Variants in ABCA12 observed in about 807,000 individuals in gnomAD.
ABCA12 encodes ATP binding cassette subfamily A member 12.
Under a neutral mutation model 293.5 loss-of-function variants are expected in ABCA12, and 156 were observed. That is an observed-to-expected ratio of 0.53 (90% CI 0.47 to 0.61). ABCA12 has a LOEUF of 0.61. ABCA12 is among the 20% of genes least tolerant of loss of function. The pLI is 0.00. For missense variants in ABCA12, 2,797 were observed against 3,090.2 expected, an observed-to-expected ratio of 0.91 and a Z score of 2.25; for synonymous variants, 1,063 against 1,108.0, an observed-to-expected ratio of 0.96 and a Z score of 0.81.
At chr2:215,050,523 T>C (rs570036279) in intron 5 of ABCA12, among the ~76,000 whole-genome samples, 1 of 152,234 alleles carries the variant, frequency 6.6e-6, no homozygotes, top group African/African-American at 2.4e-5. Context: ...TTACCATTAT[T>C]AAGTTGTTTA....
chr2:215,010,298 G>A (rs771285943), intron 18 of ABCA12, 33 bp downstream of exon 18: 270 of 1,612,382 alleles, frequency 1.7e-4, no homozygotes, highest in Non-Finnish European at 2.2e-4. Flanking sequence ...CATCTTAATA[G>A]TCAAAATAGA....
At chr2:215,048,147 A>G (rs1701240082) in intron 6 of ABCA12, among the ~76,000 whole-genome samples, 1 of 152,140 alleles carries the variant, frequency 6.6e-6, no homozygotes, top group Admixed American at 6.5e-5. Flanking sequence ...CAGAATGGCT[A>G]TTAAAAAGTC....
chr2:214,959,756 G>A (rs1699061884), intron 39 of ABCA12, among the ~76,000 whole-genome samples: 1 of 152,070 alleles, frequency 6.6e-6, no homozygotes, highest in Non-Finnish European at 1.5e-5. Flanking sequence ...CAAATTGCTG[G>A]GATCTCCCAG....
chr2:215,102,949 G>A (rs1254166016), intron 2 of ABCA12, among the ~76,000 whole-genome samples: 1 of 152,092 alleles, frequency 6.6e-6, no homozygotes, highest in Non-Finnish European at 1.5e-5. Context: ...TTTTGATTTT[G>A]TAAAATTCTC....
intron 14 of ABCA12, among the ~76,000 whole-genome samples, chr2:215,016,605 A>G (rs867042396): frequency 3.1e-4 from 43 of 139,246 alleles, no homozygotes; most frequent in East Asian, 4.3e-4. Flanking sequence ...AAAAAAAAAA[A>G]AAAAAAAAAG....
intron 50 of ABCA12, among the ~76,000 whole-genome samples, chr2:214,940,741 C>A (rs770914583): frequency 2.2e-4 from 34 of 151,872 alleles, no homozygotes; most frequent in Admixed American, 2.6e-4. Context: ...TCTAGAATTT[C>A]TAGTTTATTT....
intron 2 of ABCA12, among the ~76,000 whole-genome samples, chr2:215,089,550 G>T (rs544242238): frequency 1.3e-5 from 2 of 152,248 alleles, no homozygotes; most frequent in African/African-American, 4.8e-5. Context: ...TCAAATGTTG[G>T]TTCTATGAAG....
intron 37 of ABCA12, among the ~76,000 whole-genome samples, chr2:214,969,027 C>T (rs1381075729): frequency 6.6e-6 from 1 of 151,972 alleles, no homozygotes; most frequent in East Asian, 1.9e-4. Flanking sequence ...AAGTCCTAAA[C>T]AATTGCATAT....
At chr2:215,001,389 T>C (rs1246024498) in intron 21 of ABCA12, among the ~76,000 whole-genome samples, 169 bp downstream of exon 21, 1 of 152,194 alleles carries the variant, frequency 6.6e-6, no homozygotes, top group African/African-American at 2.4e-5. Context: ...TTAGACATAC[T>C]TAGAGATTAT....
Position 214,975,974 on chromosome 2 carries a change from G to A in ABCA12, c.5192C>T (p.Ala1731Val). ...GTGGTGGAACCTCTTGATGAGTATA[G>A]CCATGATCTTCTTCAGCAACAGTCC... ...GFGLLLKKIMAILIKRFHHTR... is the reference protein window; with the variant it reads ...GFGLLLKKIMVILIKRFHHTR... Residue 1731 changes from alanine (A) to valine (V), a missense_variant, in exon 34 of 53, where the codon GCT becomes GTT. Physicochemically the swap from Ala to Val is moderately conservative, Grantham distance 64. This residue lies in a region of ABCA12 where 2,130 missense variants were observed against 2,427.0 expected (regional missense o/e 0.88). Coordinates refer to ENST00000272895, the MANE Select transcript of ABCA12 (RefSeq NM_173076.3). The A allele has an allele frequency of 6.2e-7, 1 of 1,614,058 alleles. No homozygotes were observed. The highest frequency in any genetic ancestry group is 8.5e-7 in the Non-Finnish European group (1 of 1,179,994).
intron 28 of ABCA12, among the ~76,000 whole-genome samples, chr2:214,984,094 C>CTTTTTTTTTTT (rs397987755): frequency 1.3e-4 from 12 of 92,952 alleles, no homozygotes; most frequent in East Asian, 3.8e-4. Flanking sequence ...ACGATCAGGC[C>CTTTTTTTTTTT]TTTTTTTTTT....
chr2:215,021,292 G>A (rs537864704), intron 11 of ABCA12, among the ~76,000 whole-genome samples: 101 of 152,288 alleles, frequency 6.6e-4, no homozygotes, highest in African/African-American at 2.3e-3. Flanking sequence ...CGTTATTGAC[G>A]TTATTTTCTC....
At chr2:214,982,920 G>A (rs892047473) in intron 29 of ABCA12, among the ~76,000 whole-genome samples, 1 of 152,118 alleles carries the variant, frequency 6.6e-6, no homozygotes, top group Non-Finnish European at 1.5e-5. Flanking sequence ...GCTATTATAG[G>A]CATCAATTTT....
chr2:215,025,753 T>G lies in ABCA12; in HGVS notation c.1207A>C (p.Ile403Leu), dbSNP rs1358632830. The stretch of plus-strand genomic sequence containing the variant: ...CGAAGAAAAGATTTTTTAAATCGTA[T>G]TGTGGACTGCAGGAGTCTTAGATTT... ...PENLRLLQST[I>L]RFKKSFLRNG... Residue 403 changes from isoleucine (I) to leucine (L), a missense_variant, in exon 11 of 53, where the codon ATA (isoleucine) becomes CTA (leucine). Transcript: ENST00000272895. The G allele has an allele frequency of 6.2e-7, 1 of 1,613,032 alleles. No homozygotes were observed. The highest frequency in any genetic ancestry group is 1.3e-5 in the African/African-American group (1 of 74,990).
At chr2:215,060,176 C>T (rs1701500914) in intron 3 of ABCA12, among the ~76,000 whole-genome samples, 1 of 152,040 alleles carries the variant, frequency 6.6e-6, no homozygotes. Flanking sequence ...ACATTCATTA[C>T]ATTTACCATG....
At chr2:214,983,949 G>A in intron 28 of ABCA12, 84 bp from the exon 29 acceptor site, 1 of 1,229,790 alleles carries the variant, frequency 8.1e-7, no homozygotes, top group Non-Finnish European at 1.1e-6. Context: ...GTTGTTAGAA[G>A]GAAAAAATAC....
At chr2:215,007,102 C>T (rs1229911426) in intron 19 of ABCA12, among the ~76,000 whole-genome samples, 2 of 151,952 alleles carry the variant, frequency 1.3e-5, no homozygotes, top group African/African-American at 4.8e-5. Context: ...CTTGAACTCC[C>T]GACCTCAGGT....
At chr2:215,036,717 C>A (rs1701002002) in intron 8 of ABCA12, among the ~76,000 whole-genome samples, 1 of 151,932 alleles carries the variant, frequency 6.6e-6, no homozygotes, top group African/African-American at 2.4e-5. Flanking sequence ...GTTTTACAAG[C>A]TAACAGAGAT....
intron 2 of ABCA12, among the ~76,000 whole-genome samples, chr2:215,097,325 C>CTT (rs149215187): frequency 1.3e-5 from 2 of 151,024 alleles, no homozygotes; most frequent in Admixed American, 6.6e-5. Flanking sequence ...CTCCAAAAAT[C>CTT]TTTTTTTTTC....
Sources: allele counts gnomAD v4.1 joint callset (sites outside exome capture counted in the v4.1 genomes callset), GRCh38; gene constraint gnomAD v4.1.1; regional missense constraint gnomAD v4.1.1; transcripts MANE v1.5; gene names NCBI Gene and HGNC (gene_info 2026-07-23, HGNC 2026-07-21).